DPEP2: variants seen among roughly 807,000 people sequenced by gnomAD.
DPEP2 encodes the protein dipeptidase 2.
A neutral mutation model predicts 51.8 loss-of-function variants in DPEP2; 45 were observed. The ratio of observed to expected loss-of-function variants is 0.87; its 90% CI spans 0.68 to 1.11. The LOEUF (loss-of-function observed/expected upper bound fraction) is 1.11, where lower values mean the gene tolerates loss of function less well. Ranked by LOEUF, DPEP2 falls within the 50% of genes most tolerant of loss-of-function variation. The probability of loss-of-function intolerance (pLI) is 0.00; values close to 1 mark genes in which losing one functional copy is unlikely to be tolerated. For missense variants in DPEP2, 604 were observed against 631.9 expected (o/e 0.96, Z 0.47); for synonymous variants, 255 against 262.7 (o/e 0.97, Z 0.28).
chr16:67,988,979 A>G (rs1450339178), intron 9 of DPEP2, among the ~76,000 whole-genome samples: 1 of 152,114 alleles, frequency 6.6e-6, no homozygotes, highest in Admixed American at 6.6e-5. Flanking sequence ...ACGAGGAAGA[A>G]AAGGAGAAGG....
chr16:67,996,159 C>T (rs1027199085), intron 1 of DPEP2, among the ~76,000 whole-genome samples: 3 of 151,706 alleles, frequency 2.0e-5, no homozygotes, highest in Non-Finnish European at 4.4e-5. Flanking sequence ...CCACTTCAGC[C>T]TCCCGAGTCT....
intron 1 of DPEP2, among the ~76,000 whole-genome samples, chr16:67,997,506 G>C (rs935987339): frequency 2.0e-5 from 3 of 152,028 alleles, no homozygotes; most frequent in Non-Finnish European, 4.4e-5. Context: ...ATAGGTGCCC[G>C]CCAACACGCC....
Position 67,997,442 on chromosome 16 carries a change from C to G in DPEP2, c.-46+1933G>C, listed in dbSNP as rs375309549. 6.0e-5 allele frequency among the ~76,000 whole-genome samples: 9 copies of G among 151,254 alleles called. No individual in the cohort carries two copies. In the South Asian group the frequency reaches 1.9e-3, roughly 32 times the overall value. Reference sequence around the variant, plus strand: ...CACAATCTCGGCTCACTGCAAGCTCCGCCTCCCGGGTTCAGGCCATTCTCC... The same window carrying G: ...CACAATCTCGGCTCACTGCAAGCTCGGCCTCCCGGGTTCAGGCCATTCTCC... On this transcript the variant is annotated intron_variant, in intron 1 of 10. Transcript: ENST00000393847.
At chr16:67,992,870 C>A in intron 2 of DPEP2, 80 bp downstream of exon 2, 1 of 1,516,342 alleles carries the variant, frequency 6.6e-7, no homozygotes, top group Non-Finnish European at 8.8e-7. Context: ...GAGCCTCCTC[C>A]ACAGCCCTGC....
rs1383677983 is a variant in DPEP2, at chr16:67,991,135, C to T, written c.712G>A (p.Gly238Arg). 8.1e-6 allele frequency: 13 copies of T among 1,613,974 alleles called. No individual in the cohort carries two copies. The highest frequency in any genetic ancestry group is 4.4e-5 in the South Asian group (4 of 91,078). Residue 238 changes from glycine (G) to arginine (R), a missense_variant, in exon 6 of 11, where the codon GGG (glycine) becomes AGG (arginine). Coordinates refer to ENST00000393847, the MANE Select transcript of DPEP2 (RefSeq NM_022355.4). This position sits in a 1 kb window ranked among gnomAD's most constrained non-coding sequence, Gnocchi z 5.1. ...GVHSFYNNISGLTDFGEKVVA... is the reference protein window; with the variant it reads ...GVHSFYNNISRLTDFGEKVVA... ...CTCACCTCACCAAAGTCAGTCAGCC[C>T]GCTGATGTTGTTGTAGAAGGAGTGG...
chr16:67,993,176 C>T lies in DPEP2; in HGVS notation c.37G>A (p.Gly13Ser), dbSNP rs905978611. The change falls in exon 2 of 11, where the codon GGT (glycine) becomes AGT (serine). Residue 13 changes from glycine (G) to serine (S), a missense_variant. Coordinates refer to ENST00000393847, the MANE Select transcript of DPEP2 (RefSeq NM_022355.4). ...AGCAGACTCAGCAGAGGCCACCGAC[C>T]AAACGTGCCGGGACCCTCGAGGCCG... ...PSGLEGPGTF[G>S]RWPLLSLLLL... The T allele has an allele frequency of 6.7e-7, 1 of 1,499,582 alleles. No homozygotes were observed. The highest frequency in any genetic ancestry group is 1.4e-5 in the African/African-American group (1 of 71,504). The allele number at this position is 1,499,582 out of a possible 1,614,324, so 92.9% of individuals were successfully genotyped here.
rs563720655 is a variant in DPEP2, at chr16:67,987,503, T to C, written c.*3A>G. The stretch of plus-strand genomic sequence containing the variant: ...GTGACATCTGGCAGGACTAACTGGG[T>C]CATCAGAGCCACAGAATAAGGACTG... On this transcript the variant is annotated 3_prime_UTR_variant, in exon 11 of 11. Transcript: ENST00000393847. 6.2e-7 allele frequency: 1 copy of C among 1,604,318 alleles called. No homozygotes were observed. The highest frequency in any genetic ancestry group is 2.2e-5 in the East Asian group (1 of 44,556).
intron 1 of DPEP2, among the ~76,000 whole-genome samples, chr16:67,997,482 G>A (rs2032768500): frequency 1.3e-5 from 2 of 152,090 alleles, no homozygotes; most frequent in Admixed American, 1.3e-4. Context: ...GCAGCCTCCC[G>A]AGTAGCTGGG....
At chr16:67,995,643 C>T (rs906641933) in intron 1 of DPEP2, among the ~76,000 whole-genome samples, 3 of 152,158 alleles carry the variant, frequency 2.0e-5, no homozygotes, top group Admixed American at 6.5e-5. Flanking sequence ...GGAACTGAAC[C>T]TGATCATTAT....
At chr16:67,992,451 C>A in intron 3 of DPEP2, 59 bp downstream of exon 3, 1 of 1,567,330 alleles carries the variant, frequency 6.4e-7, no homozygotes, top group South Asian at 1.2e-5. Context: ...CTGGGGTCCC[C>A]ACTCTCCCCA....
intron 3 of DPEP2, 127 bp downstream of exon 3, chr16:67,992,383 C>T: frequency 6.8e-7 from 1 of 1,475,378 alleles, no homozygotes; most frequent in East Asian, 2.3e-5. Context: ...GCATCCATAT[C>T]ATGACACTTT....
At chr16:67,997,558 G>A (rs1008635520) in intron 1 of DPEP2, among the ~76,000 whole-genome samples, 2 of 151,928 alleles carry the variant, frequency 1.3e-5, no homozygotes, top group African/African-American at 2.4e-5. Flanking sequence ...GGGTTTCACC[G>A]TGTTAGCCAG....
rs376303172 is a variant in DPEP2, at chr16:67,993,250, C to G, written c.-38G>C. 492 of 1,406,928 alleles carry G rather than the reference C, an allele frequency of 3.5e-4. No individual in the cohort carries two copies. Among genetic ancestry groups the G allele is most frequent in the Non-Finnish European group, 4.3e-4 (459 of 1,077,614 alleles). 87.2% of individuals were successfully genotyped at this position (1,406,928 alleles called of 1,614,324 possible). On this transcript the variant is annotated 5_prime_UTR_variant, in exon 2 of 11. The change abolishes the stop of an existing upstream ORF in the 5' untranslated region. Coordinates refer to ENST00000393847, the MANE Select transcript of DPEP2 (RefSeq NM_022355.4). Reference sequence around the variant, plus strand: ...CGGGCAGGCAGGCAGGGGTGGCAGTCAGAGAGCCTGAGAGGGGCGGGCGAG... The same window carrying G: ...CGGGCAGGCAGGCAGGGGTGGCAGTGAGAGAGCCTGAGAGGGGCGGGCGAG...
Position 67,991,801 on chromosome 16 carries a change from T to C in DPEP2, c.662+37A>G. 3 of 1,607,044 alleles carry C rather than the reference T, an allele frequency of 1.9e-6. No individual in the cohort carries two copies. The highest frequency in any genetic ancestry group is 2.6e-6 in the Non-Finnish European group (3 of 1,175,216). On this transcript the variant is annotated intron_variant, in intron 5 of 10. Transcript: ENST00000393847. This position sits in a 1 kb window ranked among gnomAD's most constrained non-coding sequence, Gnocchi z 5.1. ...GTGACCTCAGGCAGATCTCTGCCCC[T>C]GCCTCAGCGGTCCCACACCATCTGC... is the stretch of plus-strand genomic sequence containing the variant.
rs766803347 is a variant in DPEP2, at chr16:67,992,522, G to A, written c.378C>T (p.Leu126=). Residue 126 remains leucine (L), a synonymous_variant, in exon 3 of 11, where the codon CTC becomes CTT. Transcript: ENST00000393847. ...QTSLDRLRDG[L]VGAQFWSAYV... is the part of the protein sequence containing the mutation. Reference sequence around the variant, plus strand: ...ATCCCTGTGGTACCTGGGCGCCCACGAGGCCATCTCTAAGCCTGTCCAGGC... The same window carrying A: ...ATCCCTGTGGTACCTGGGCGCCCACAAGGCCATCTCTAAGCCTGTCCAGGC... 68 of 1,611,766 alleles carry A rather than the reference G, an allele frequency of 4.2e-5. No individual in the cohort carries two copies. Among genetic ancestry groups the A allele is most frequent in the East Asian group, 1.6e-4 (7 of 44,794 alleles).
chr16:67,994,013 A>G (rs2032504522), intron 1 of DPEP2: 2 of 984,966 alleles, frequency 2.0e-6, no homozygotes, highest in African/African-American at 1.8e-5. Flanking sequence ...ACACCTCCCC[A>G]GGACCCCAGT....
At chr16:67,992,388 C>T in intron 3 of DPEP2, 122 bp downstream of exon 3, 1 of 1,484,662 alleles carries the variant, frequency 6.7e-7, no homozygotes, top group Non-Finnish European at 9.1e-7. Flanking sequence ...CATATCATGA[C>T]ACTTTTTGGG....
rs2031550664 is a variant in DPEP2, at chr16:67,987,614, G to T, written c.1353C>A (p.His451Gln). 3.1e-6 allele frequency: 5 copies of T among 1,614,216 alleles called. No individual in the cohort carries two copies. Among genetic ancestry groups the T allele is most frequent in the Non-Finnish European group, 3.4e-6 (4 of 1,180,036 alleles). Reference sequence around the variant, plus strand: ...ACTTGGCTGGTAACTTGGCTGTCCAGTGTATGGGAATCTCAGTGAGTTCCT... The same window carrying T: ...ACTTGGCTGGTAACTTGGCTGTCCATTGTATGGGAATCTCAGTGAGTTCCT... ...SGQELTEIPI[H>Q]WTAKLPAKWS... Residue 451 changes from histidine to glutamine, a missense_variant, in exon 11 of 11, where the codon CAC becomes CAA. Transcript: ENST00000393847.
At chr16:67,995,481 C>T (rs987347756) in intron 1 of DPEP2, among the ~76,000 whole-genome samples, 2 of 152,222 alleles carry the variant, frequency 1.3e-5, no homozygotes, top group African/African-American at 4.8e-5. Context: ...TTCTCTCCAT[C>T]ATCCACTGCT....
Sources: gnomAD v4.1 joint callset for allele counts (sites outside exome capture counted in the v4.1 genomes callset) on GRCh38, gnomAD v4.1.1 for gene constraint, Gnocchi (gnomAD v3.1) non-coding constraint, MANE v1.5 for transcripts, NCBI Gene and HGNC (gene_info 2026-07-23, HGNC 2026-07-21) for gene names.